NTRK2: variants seen among roughly 807,000 people sequenced by gnomAD.
The protein encoded by NTRK2 is neurotrophic receptor tyrosine kinase 2.
NTRK2 carries 13 observed loss-of-function variants against 94.5 expected under a neutral mutation model. That is an observed-to-expected ratio of 0.14 (90% confidence interval 0.09 to 0.22). NTRK2 has a LOEUF of 0.22. Ranked by LOEUF, NTRK2 falls within the 10% of genes least tolerant of loss-of-function variation. NTRK2 has a pLI of 1.00. For missense variants in NTRK2, 639 were observed against 1,071.2 expected (o/e 0.60, Z 5.63); for synonymous variants, 372 against 407.4 (o/e 0.91, Z 1.05).
chr9:84,869,954 A>T (rs2075765537), intron 14 of NTRK2, among the ~76,000 whole-genome samples: 1 of 151,854 alleles, frequency 6.6e-6, no homozygotes, highest in Non-Finnish European at 1.5e-5. Flanking sequence ...TGGACAAAAA[A>T]ATCTTTTCTT....
At chr9:84,942,357 C>G (rs1330720001) in intron 15 of NTRK2, among the ~76,000 whole-genome samples, 1 of 152,224 alleles carries the variant, frequency 6.6e-6, no homozygotes, top group Non-Finnish European at 1.5e-5. Flanking sequence ...GTTAGAAGTT[C>G]ATGCAGCATG....
At chr9:84,843,177 C>T (rs543426246) in intron 12 of NTRK2, among the ~76,000 whole-genome samples, 2 of 152,302 alleles carry the variant, frequency 1.3e-5, no homozygotes, top group South Asian at 4.2e-4. Context: ...TACTATATGG[C>T]ACACAGTAGG....
At chr9:84,726,296 G>GGGCA (rs1250517611) in intron 8 of NTRK2, among the ~76,000 whole-genome samples, 2 of 152,158 alleles carry the variant, frequency 1.3e-5, no homozygotes, top group African/African-American at 4.8e-5. Flanking sequence ...AGACCAGTCT[G>GGGCA]GGCAACATGA....
chr9:84,820,215 G>A (rs1353003936), intron 12 of NTRK2, among the ~76,000 whole-genome samples: 2 of 148,872 alleles, frequency 1.3e-5, no homozygotes, highest in Non-Finnish European at 3.0e-5. Flanking sequence ...TGTTGCTCAG[G>A]CTGGAGTGCA....
At chr9:84,862,018 A>G (rs999902702) in intron 13 of NTRK2, among the ~76,000 whole-genome samples, 2 of 152,178 alleles carry the variant, frequency 1.3e-5, no homozygotes, top group East Asian at 1.9e-4. Context: ...GGCAGTCTCT[A>G]TCACTGTCTG....
intron 12 of NTRK2, among the ~76,000 whole-genome samples, chr9:84,806,034 A>G (rs2071071822): frequency 6.6e-6 from 1 of 152,234 alleles, no homozygotes; most frequent in African/African-American, 2.4e-5. Flanking sequence ...TAAGCAACAG[A>G]AAACAGACTA....
At chr9:84,949,299 A>T (rs1426595528) in intron 16 of NTRK2, among the ~76,000 whole-genome samples, 1 of 152,218 alleles carries the variant, frequency 6.6e-6, no homozygotes, top group Non-Finnish European at 1.5e-5. Context: ...AAAGATGGAC[A>T]GCTTCAACTG....
chr9:84,673,147 C>A (rs2058806356), intron 2 of NTRK2, among the ~76,000 whole-genome samples: 1 of 152,140 alleles, frequency 6.6e-6, no homozygotes, highest in South Asian at 2.1e-4. Context: ...GTGAGCCCAG[C>A]CAGTTTGTGC....
chr9:84,882,463 A>G (rs1306728330), intron 14 of NTRK2, among the ~76,000 whole-genome samples: 1 of 152,130 alleles, frequency 6.6e-6, no homozygotes, highest in Non-Finnish European at 1.5e-5. Flanking sequence ...CCAAGGGCCA[A>G]GGTGATTTGG....
intron 2 of NTRK2, among the ~76,000 whole-genome samples, chr9:84,682,198 T>C (rs1419224762): frequency 6.6e-6 from 1 of 152,222 alleles, no homozygotes; most frequent in African/African-American, 2.4e-5. Context: ...ATTGATGTAT[T>C]CTTTCTTTGG....
At chr9:84,900,307 C>T (rs1036724737) in intron 14 of NTRK2, among the ~76,000 whole-genome samples, 2 of 152,158 alleles carry the variant, frequency 1.3e-5, no homozygotes, top group Non-Finnish European at 1.5e-5. Flanking sequence ...AAAGAGCAGA[C>T]GTGGGACCAG....
chr9:84,947,041 T>TA (rs1226900576), intron 15 of NTRK2, among the ~76,000 whole-genome samples: 5 of 152,170 alleles, frequency 3.3e-5, no homozygotes, highest in Non-Finnish European at 7.4e-5. Context: ...CTGCAACCTC[T>TA]GCCTCCTGGG....
chr9:84,734,718 C>A (rs1031544519), intron 9 of NTRK2, among the ~76,000 whole-genome samples: 1 of 152,190 alleles, frequency 6.6e-6, no homozygotes, highest in Non-Finnish European at 1.5e-5. Flanking sequence ...TAAGACGTGT[C>A]TTGCTTCCCC....
rs777378655 is a variant in NTRK2, at chr9:84,971,529, C to T, written c.2172+16012C>T. Reference sequence around the variant, plus strand: ...AGAGGAAACAATGAGCAGGAAGGCCCCGTGGCAAGAGAAGCAGAACATGGT... The same window carrying T: ...AGAGGAAACAATGAGCAGGAAGGCCTCGTGGCAAGAGAAGCAGAACATGGT... On this transcript the variant is annotated intron_variant, in intron 17 of 18. Transcript: ENST00000277120. 2.0e-4 allele frequency among the ~76,000 whole-genome samples: 31 copies of T among 152,308 alleles called. 1 individual carries two copies. Among genetic ancestry groups the T allele is most frequent in the East Asian group, 1.9e-4 (1 of 5,172 alleles).
At chr9:84,710,563 T>C in intron 5 of NTRK2, 74 bp from the exon 6 acceptor site, 1 of 1,466,816 alleles carries the variant, frequency 6.8e-7, no homozygotes, top group Non-Finnish European at 9.5e-7. Context: ...CATAATGTTG[T>C]AGTATTTTAC....
intron 12 of NTRK2, chr9:84,814,920 C>G (rs2072225411): frequency 1.9e-6 from 2 of 1,060,222 alleles, no homozygotes; most frequent in African/African-American, 3.3e-5. Flanking sequence ...GTGTGTTCTG[C>G]TATGTTCACA....
At chr9:84,709,136 A>G (rs2061281942) in intron 5 of NTRK2, among the ~76,000 whole-genome samples, 1 of 152,254 alleles carries the variant, frequency 6.6e-6, no homozygotes, top group Non-Finnish European at 1.5e-5. Context: ...AAAAGTTTCT[A>G]TGTTCCTGGA....
intron 12 of NTRK2, chr9:84,814,819 C>T (rs888910142): frequency 2.8e-6 from 3 of 1,064,112 alleles, no homozygotes; most frequent in Non-Finnish European, 3.4e-6. Context: ...GGGCCAGTCA[C>T]ATCTAGTCTA....
At chr9:84,790,836 A>T (rs17087704) in intron 12 of NTRK2, among the ~76,000 whole-genome samples, 12,842 of 152,230 alleles carry the variant, frequency 0.084, 956 homozygotes, top group African/African-American at 0.19. Flanking sequence ...ATCTGTTCTG[A>T]TAAGGCAGTT....
Sources: allele counts gnomAD v4.1 joint callset (sites outside exome capture counted in the v4.1 genomes callset), GRCh38; gene constraint gnomAD v4.1.1; transcripts MANE v1.5; gene names NCBI Gene and HGNC (gene_info 2026-07-23, HGNC 2026-07-21).